Variants in ZNF280D observed in about 807,000 individuals in gnomAD.
ZNF280D encodes the protein suppressor of hairy wing homolog 4.
Under a neutral mutation model 94.7 loss-of-function variants are expected in ZNF280D, and 39 were observed. The ratio of observed to expected loss-of-function variants is 0.41; its 90% confidence interval spans 0.32 to 0.54. The LOEUF is 0.54. Among genes scored for constraint, ZNF280D ranks in the 20% least tolerant of loss-of-function variants. The pLI is 0.22. For missense variants in ZNF280D, 1,090 were observed against 1,149.3 expected (o/e 0.95, Z 0.75); for synonymous variants, 398 against 377.6 (o/e 1.05, Z -0.63).
At chr15:56,685,265 T>C (rs571019027) in intron 9 of ZNF280D, among the ~76,000 whole-genome samples, 2 of 151,668 alleles carry the variant, frequency 1.3e-5, no homozygotes, top group East Asian at 1.9e-4. Context: ...AAATAAACCA[T>C]GACAAAAACA....
chr15:56,689,497 AT>A (rs1456020167), intron 7 of ZNF280D, 27 bp from the exon 8 acceptor site: 1 of 1,330,876 alleles, frequency 7.5e-7, no homozygotes, highest in Non-Finnish European at 1.0e-6. Flanking sequence ...AGTGAGAAAA[AT>A]ATTTTTTAAA....
intron 16 of ZNF280D, among the ~76,000 whole-genome samples, chr15:56,661,572 A>G (rs1596389122): frequency 6.6e-6 from 1 of 152,206 alleles, no homozygotes; most frequent in East Asian, 1.9e-4. Flanking sequence ...AAATTTTTAT[A>G]CTAGCTTTCT....
chr15:56,688,163 T>C (rs1205136846), intron 9 of ZNF280D, among the ~76,000 whole-genome samples: 3 of 152,078 alleles, frequency 2.0e-5, no homozygotes, highest in Non-Finnish European at 4.4e-5. Context: ...ATCTCATACT[T>C]CACTAGTACT....
intron 1 of ZNF280D, among the ~76,000 whole-genome samples, chr15:56,711,873 T>C (rs1402945405): frequency 1.3e-5 from 2 of 152,210 alleles, no homozygotes; most frequent in African/African-American, 4.8e-5. Context: ...TATTGCCTAC[T>C]ACACATCCAA....
intron 1 of ZNF280D, among the ~76,000 whole-genome samples, chr15:56,725,406 A>G (rs2058581998): frequency 2.6e-5 from 4 of 152,320 alleles, no homozygotes; most frequent in African/African-American, 9.6e-5. Context: ...TGAAAGCAGC[A>G]CATATTAATA....
In ZNF280D at chr15:56,707,105, C is replaced by A. The variant is rs747260521; in HGVS notation, c.5G>T (p.Gly2Val). M[G>V]DNPFQPKSNS... ...ACTTTTTGGTTGAAAAGGGTTGTCG[C>A]CCATCAAGCTGCAGAGATGACTTTC... is the stretch of plus-strand genomic sequence containing the variant. The change falls in exon 3 of 22, where the codon GGC becomes GTC. Residue 2 changes from glycine (G) to valine (V), a missense_variant. Gly to Val is a moderately radical substitution (Grantham distance 109, BLOSUM62 -3). Around this residue, in one of 3 missense-constraint regions of ZNF280D, gnomAD observed 386 missense variants for 372.0 expected, o/e 1.04. Coordinates refer to ENST00000267807, the MANE Select transcript of ZNF280D (RefSeq NM_017661.4). The A allele has an allele frequency of 6.2e-7, 1 of 1,613,884 alleles. No individual in the cohort carries two copies. Among genetic ancestry groups the A allele is most frequent in the South Asian group, 1.1e-5 (1 of 91,080 alleles).
chr15:56,724,662 C>T (rs1402465845), intron 1 of ZNF280D, among the ~76,000 whole-genome samples: 1 of 152,104 alleles, frequency 6.6e-6, no homozygotes, highest in Non-Finnish European at 1.5e-5. Flanking sequence ...ATGATAACAC[C>T]GCCTTTTGCA....
chr15:56,682,486 G>GAAAAA lies in ZNF280D; in HGVS notation c.781-14_781-10dup, dbSNP rs760502258. 93 of 506,958 alleles carry GAAAAA rather than the reference G, an allele frequency of 1.8e-4. No homozygotes were observed. The highest frequency in any genetic ancestry group is 7.3e-4 in the South Asian group (18 of 24,804). The allele number at this position is 506,958 out of a possible 1,614,324, so 31.4% of individuals were successfully genotyped here. A position where few individuals can be genotyped will look rare whatever the true frequency, so the allele number is the denominator to read the frequency against. On this transcript the variant is annotated splice_polypyrimidine_tract_variant and intron_variant, in intron 9 of 21. Coordinates refer to ENST00000267807, the MANE Select transcript of ZNF280D (RefSeq NM_017661.4). ...ATGTCTGGACAACAATACTGAAAGAGAAAAAAAAAAAAAAAAAACAAGCCT... is the reference window on the plus strand; with the variant it reads ...ATGTCTGGACAACAATACTGAAAGAGAAAAAAAAAAAAAAAAAAAAAAACAAGCCT...
rs1566961369 is a variant in ZNF280D, at chr15:56,669,987, TATATATATATTATATATATATA to T, written c.1411-1052_1411-1031del. Among the ~76,000 whole-genome samples the T allele has an allele frequency of 0.012, 23 of 1,942 alleles. 7 individuals carry two copies. In the South Asian group the frequency reaches 0.17, roughly 14 times the overall value. 1.3% of individuals were successfully genotyped at this position (1,942 alleles called of 152,430 possible). ...TTATATATATATAATATATATATTA[TATATATATATTATATATATATA>T]ATATATATATATAGTGGTTTTAGAG... On this transcript the variant is annotated intron_variant, in intron 13 of 21. Coordinates refer to ENST00000267807, the MANE Select transcript of ZNF280D (RefSeq NM_017661.4).
intron 16 of ZNF280D, among the ~76,000 whole-genome samples, chr15:56,658,733 A>G (rs1434130957): frequency 1.3e-5 from 2 of 152,190 alleles, no homozygotes; most frequent in Non-Finnish European, 2.9e-5. Context: ...CCTTACCATT[A>G]TATTAAAAAA....
At chr15:56,677,506 G>A in intron 12 of ZNF280D, 68 bp downstream of exon 12, 1 of 1,168,828 alleles carries the variant, frequency 8.6e-7, no homozygotes, top group Non-Finnish European at 1.3e-6. Flanking sequence ...GGTCTAATAG[G>A]CTTAAATTTT....
chr15:56,721,645 C>T (rs2058367082), intron 1 of ZNF280D, among the ~76,000 whole-genome samples: 1 of 152,180 alleles, frequency 6.6e-6, no homozygotes, highest in South Asian at 2.1e-4. Context: ...CTGTTAGCTT[C>T]AAGCTTTTCT....
chr15:56,705,547 C>T (rs1355042260), intron 3 of ZNF280D, among the ~76,000 whole-genome samples: 4 of 152,162 alleles, frequency 2.6e-5, no homozygotes, highest in African/African-American at 9.7e-5. Context: ...ATGATATCTA[C>T]CTAATACAAG....
chr15:56,709,104 A>G (rs1314140521), intron 1 of ZNF280D, among the ~76,000 whole-genome samples: 2 of 152,136 alleles, frequency 1.3e-5, no homozygotes, highest in African/African-American at 2.4e-5. Flanking sequence ...TTTGCAATCT[A>G]CTCATCTGAC....
chr15:56,648,654 A>G (rs2053035810), intron 19 of ZNF280D, among the ~76,000 whole-genome samples: 1 of 152,178 alleles, frequency 6.6e-6, no homozygotes, highest in Non-Finnish European at 1.5e-5. Flanking sequence ...CTCATCCATA[A>G]AATCAGACAG....
Position 56,666,908 on chromosome 15 carries a change from G to A in ZNF280D, c.1624C>T (p.Leu542Phe), listed in dbSNP as rs763554281. ...TTAGTCCTTGGAGGTGAGAGCTGAA[G>A]GGTAGAAGCACTTGCACTAATGGAA... ...TPSISASASTLQLSPPRTKNI... is the reference protein window; with the variant it reads ...TPSISASASTFQLSPPRTKNI... The change falls in exon 15 of 22, where the codon CTT (leucine) becomes TTT (phenylalanine). Residue 542 changes from leucine to phenylalanine, a missense_variant. Leu to Phe is a conservative substitution (Grantham distance 22). This residue lies in a region of ZNF280D where 577 missense variants were observed against 568.8 expected (regional missense o/e 1.01). Transcript: ENST00000267807. The A allele has an allele frequency of 3.8e-5, 62 of 1,613,584 alleles. No individual in the cohort carries two copies. The highest frequency in any genetic ancestry group is 4.7e-5 in the Non-Finnish European group (56 of 1,179,818).
chr15:56,639,850 T>A (rs1459466343), intron 20 of ZNF280D, among the ~76,000 whole-genome samples: 2 of 151,588 alleles, frequency 1.3e-5, no homozygotes, highest in African/African-American at 4.9e-5. Context: ...TACAAGGGAG[T>A]GGCAAAGGAT....
chr15:56,661,906 G>A (rs2140794206), intron 16 of ZNF280D, among the ~76,000 whole-genome samples: 1 of 152,266 alleles, frequency 6.6e-6, no homozygotes, highest in South Asian at 2.1e-4. Context: ...AATGCAATCT[G>A]AGAGTCAGAT....
intron 6 of ZNF280D, chr15:56,697,796 C>A (rs2056841560): frequency 6.6e-6 from 1 of 152,024 alleles, no homozygotes; most frequent in Non-Finnish European, 1.5e-5. Flanking sequence ...ATAACAAACT[C>A]ATTACAAATT....
Sources: gnomAD v4.1 joint callset for allele counts (sites outside exome capture counted in the v4.1 genomes callset) on GRCh38, gnomAD v4.1.1 for gene constraint, gnomAD v4.1.1 regional missense constraint, MANE v1.5 for transcripts, NCBI Gene and HGNC (gene_info 2026-07-23, HGNC 2026-07-21) for gene names.